ALK: variants seen among roughly 807,000 people sequenced by gnomAD.
ALK encodes ALK tyrosine kinase receptor.
Under a neutral mutation model 163.1 loss-of-function variants are expected in ALK, and 74 were observed. The observed-to-expected ratio is 0.45, with a 90% CI of 0.38 to 0.55. The LOEUF (loss-of-function observed/expected upper bound fraction) is 0.55. Ranked by LOEUF, ALK falls within the 20% of genes least tolerant of loss-of-function variation. The pLI is 0.00. For synonymous variants in ALK, 960 were observed against 843.2 expected, an observed-to-expected ratio of 1.14 and a Z score of -2.40; for missense variants, 2,063 against 2,105.3, an observed-to-expected ratio of 0.98 and a Z score of 0.39.
chr2:29,769,453 C>T (rs976470818), intron 1 of ALK, among the ~76,000 whole-genome samples: 1 of 152,130 alleles, frequency 6.6e-6, no homozygotes, highest in African/African-American at 2.4e-5. Context: ...AAGTTGGCTC[C>T]CTGTGGTTGG....
At chr2:29,230,504 G>T (rs1356623698) in intron 15 of ALK, among the ~76,000 whole-genome samples, 1 of 152,152 alleles carries the variant, frequency 6.6e-6, no homozygotes, top group Non-Finnish European at 1.5e-5. Context: ...GGCCTGGCAG[G>T]GTTTCTGGAA....
At chr2:29,500,366 T>C (rs1462350905) in intron 4 of ALK, among the ~76,000 whole-genome samples, 1 of 152,160 alleles carries the variant, frequency 6.6e-6, no homozygotes, top group Non-Finnish European at 1.5e-5. Flanking sequence ...CCGTGTAAGA[T>C]GCCTGCTCCC....
intron 11 of ALK, among the ~76,000 whole-genome samples, chr2:29,261,973 G>A (rs1665099508): frequency 6.6e-6 from 1 of 152,176 alleles, no homozygotes; most frequent in African/African-American, 2.4e-5. Context: ...GAAGGTATTG[G>A]AAGTCTAACT....
rs753812162 is a variant in ALK at position 29,920,284 on chromosome 2, C to A, written c.376G>T (p.Val126Leu). 1 of 1,580,280 alleles carries A rather than the reference C, an allele frequency of 6.3e-7. No individual in the cohort carries two copies. The highest frequency in any genetic ancestry group is 1.1e-5 in the South Asian group (1 of 87,714). Residue 126 changes from valine (V) to leucine (L), a missense_variant, in exon 1 of 29, where the codon GTG becomes TTG. Transcript: ENST00000389048. ...APAEARTLSR[V>L]LKGGSVRKLR... is the part of the protein sequence containing the mutation. Reference sequence around the variant, plus strand: ...TTGCGCACGGAGCCGCCCTTCAGCACCCTGGACAGCGTCCGGGCCTCTGCC... The same window carrying A: ...TTGCGCACGGAGCCGCCCTTCAGCAACCTGGACAGCGTCCGGGCCTCTGCC...
At chr2:29,265,048 C>G (rs528687235) in intron 11 of ALK, among the ~76,000 whole-genome samples, 3 of 151,982 alleles carry the variant, frequency 2.0e-5, no homozygotes, top group Non-Finnish European at 1.5e-5. Context: ...GAGACAGAGT[C>G]TTGCCCTGTC....
chr2:29,469,182 G>A (rs1671287614), intron 4 of ALK, among the ~76,000 whole-genome samples: 1 of 152,194 alleles, frequency 6.6e-6, no homozygotes, highest in Admixed American at 6.5e-5. Flanking sequence ...GAGTGGAGGA[G>A]TAGGCACCTG....
intron 6 of ALK, among the ~76,000 whole-genome samples, chr2:29,324,700 C>T (rs1007697107): frequency 2.6e-5 from 4 of 152,146 alleles, no homozygotes; most frequent in Non-Finnish European, 4.4e-5. Context: ...CACATGCCAT[C>T]GAGGCCATTG....
intron 5 of ALK, among the ~76,000 whole-genome samples, chr2:29,371,707 T>C (rs1668641240): frequency 6.6e-6 from 1 of 152,220 alleles, no homozygotes. Context: ...CTGCCTGATT[T>C]GGGAGATTGG....
At chr2:29,285,453 G>A (rs188322612) in intron 9 of ALK, among the ~76,000 whole-genome samples, 2 of 152,046 alleles carry the variant, frequency 1.3e-5, no homozygotes, top group Non-Finnish European at 2.9e-5. Flanking sequence ...GTTTCACTAT[G>A]TTGGCCAGGA....
intron 4 of ALK, among the ~76,000 whole-genome samples, chr2:29,465,634 C>T (rs1428522333): frequency 6.6e-6 from 1 of 151,942 alleles, no homozygotes; most frequent in East Asian, 1.9e-4. Flanking sequence ...GTGGAGGTTG[C>T]AGTGAGCTGA....
intron 1 of ALK, among the ~76,000 whole-genome samples, chr2:29,753,349 C>T (rs1399659901): frequency 1.3e-5 from 2 of 152,104 alleles, no homozygotes; most frequent in East Asian, 1.9e-4. Flanking sequence ...CATGAGGTAT[C>T]GACAAAGACC....
At position 29,383,773 on chromosome 2, in the gene ALK, A is replaced by G. The variant is rs2148301515; in HGVS notation, c.1241T>C (p.Leu414Ser). Reference protein sequence around the residue: ...LEYISSGNRSLSAVDFFALKN... With the variant: ...LEYISSGNRSSSAVDFFALKN... ...CAGGGCAAAGAAGTCCACTGCAGAC[A>G]AGCTGCGGTTTCCACTGGAGATGTA... Residue 414 changes from leucine (L) to serine (S), a missense_variant, in exon 5 of 29, where the codon TTG becomes TCG. By Grantham distance (145) the Leu-to-Ser change is moderately radical. Around this residue, in one of 5 missense-constraint regions of ALK, gnomAD observed 987 missense variants for 939.5 expected, o/e 1.05. Coordinates refer to ENST00000389048, the MANE Select transcript of ALK (RefSeq NM_004304.5). 1 of 1,614,184 alleles carries G rather than the reference A, an allele frequency of 6.2e-7. No homozygotes were observed. The highest frequency in any genetic ancestry group is 1.1e-5 in the South Asian group (1 of 91,090).
At chr2:29,514,594 T>C (rs1181575076) in intron 4 of ALK, among the ~76,000 whole-genome samples, 1 of 152,204 alleles carries the variant, frequency 6.6e-6, no homozygotes, top group Non-Finnish European at 1.5e-5. Flanking sequence ...GCGTTTCCTC[T>C]TGGATGTTTA....
intron 5 of ALK, among the ~76,000 whole-genome samples, chr2:29,372,842 T>G (rs1265603234): frequency 6.6e-6 from 1 of 152,160 alleles, no homozygotes; most frequent in Non-Finnish European, 1.5e-5. Context: ...AGAGGTGAGG[T>G]TGGAAAGTTT....
chr2:29,896,284 C>A (rs1008546582), intron 1 of ALK, among the ~76,000 whole-genome samples: 1 of 152,114 alleles, frequency 6.6e-6, no homozygotes, highest in African/African-American at 2.4e-5. Flanking sequence ...GTACCTCCGA[C>A]CCCCAAGAGG....
intron 1 of ALK, among the ~76,000 whole-genome samples, chr2:29,830,314 C>T (rs557952538): frequency 3.9e-5 from 6 of 152,116 alleles, no homozygotes; most frequent in East Asian, 3.9e-4. Context: ...TTGTTGCTAA[C>T]GTAATCTAGG....
At chr2:29,751,416 T>C (rs1680363892) in intron 1 of ALK, among the ~76,000 whole-genome samples, 1 of 152,172 alleles carries the variant, frequency 6.6e-6, no homozygotes, top group South Asian at 2.1e-4. Context: ...GTGCAGTCCT[T>C]CATTGCCTGA....
At chr2:29,771,561 G>C in intron 1 of ALK, among the ~76,000 whole-genome samples, 1 of 151,110 alleles carries the variant, frequency 6.6e-6, no homozygotes, top group African/African-American at 2.4e-5. Context: ...GGGGAGCTGA[G>C]TCTCACTCTG....
chr2:29,692,285 G>T (rs1678421891), intron 3 of ALK, among the ~76,000 whole-genome samples: 1 of 152,160 alleles, frequency 6.6e-6, no homozygotes, highest in Non-Finnish European at 1.5e-5. Context: ...GTACAAATTG[G>T]TGTAACCACT....
Sources: allele counts gnomAD v4.1 joint callset (sites outside exome capture counted in the v4.1 genomes callset), GRCh38; gene constraint gnomAD v4.1.1; regional missense constraint gnomAD v4.1.1; transcripts MANE v1.5; gene names NCBI Gene and HGNC (gene_info 2026-07-23, HGNC 2026-07-21).